KIAA0232: variants seen among roughly 807,000 people sequenced by gnomAD.
KIAA0232 encodes the protein uncharacterized protein KIAA0232.
In KIAA0232, 27 loss-of-function variants were observed where a neutral mutation model predicts 122.0. That is an observed-to-expected ratio of 0.22 (90% CI 0.16 to 0.31). The LOEUF (loss-of-function observed/expected upper bound fraction) is 0.31. KIAA0232 is among the 10% of genes least tolerant of loss of function. The pLI, the probability that KIAA0232 is intolerant of heterozygous loss-of-function variation, is 1.00. For missense variants in KIAA0232, 1,551 were observed against 1,634.2 expected (o/e 0.95, Z 0.88); for synonymous variants, 613 against 587.6 (o/e 1.04, Z -0.63).
chr4:6,877,426 G>A (rs1721816825), intron 9 of KIAA0232, among the ~76,000 whole-genome samples: 1 of 152,204 alleles, frequency 6.6e-6, no homozygotes, highest in Admixed American at 6.5e-5. Flanking sequence ...TTTATTTGGT[G>A]TGAATTGTCA....
rs760073374 is a variant in KIAA0232 at position 6,871,577 on chromosome 4, C to G, written c.3805C>G (p.Pro1269Ala). 1.9e-6 allele frequency: 3 copies of G among 1,577,804 alleles called. No individual in the cohort carries two copies. The highest frequency in any genetic ancestry group is 2.6e-6 in the Non-Finnish European group (3 of 1,149,128). ...PVSSGQLEEF[P>A]VLNTDIQGMN... ...GTATTTGGTTTAATCTAAACAGTTC[C>G]CTGTATTGAACACTGATATACAAGG... Residue 1269 changes from proline (P) to alanine (A), a missense_variant, in exon 8 of 10, where the codon CCT becomes GCT. By Grantham distance (27) the Pro-to-Ala change is conservative. Around this residue, in one of 5 missense-constraint regions of KIAA0232, gnomAD observed 1,108 missense variants for 1,154.8 expected, o/e 0.96. Transcript: ENST00000307659.
intron 9 of KIAA0232, among the ~76,000 whole-genome samples, chr4:6,878,174 A>G (rs976902872): frequency 6.6e-6 from 1 of 152,190 alleles, no homozygotes; most frequent in African/African-American, 2.4e-5. Context: ...CAGGAGTTCA[A>G]GACCAGCCTG....
chr4:6,786,440 C>T (rs983307319), intron 1 of KIAA0232, among the ~76,000 whole-genome samples: 73 of 152,034 alleles, frequency 4.8e-4, no homozygotes, highest in African/African-American at 1.6e-3. Flanking sequence ...GTAGCTGGGA[C>T]CACGGGCATG....
intron 2 of KIAA0232, among the ~76,000 whole-genome samples, chr4:6,817,982 G>A (rs187302700): frequency 6.6e-6 from 1 of 152,196 alleles, no homozygotes; most frequent in African/African-American, 2.4e-5. Flanking sequence ...AACTGATGTA[G>A]ACACTCTAGC....
intron 3 of KIAA0232, among the ~76,000 whole-genome samples, chr4:6,835,117 G>T (rs1456280997): frequency 6.6e-6 from 1 of 152,150 alleles, no homozygotes; most frequent in Non-Finnish European, 1.5e-5. Flanking sequence ...ATCTTGGCAG[G>T]TGTGCTAGAG....
intron 3 of KIAA0232, among the ~76,000 whole-genome samples, chr4:6,830,987 G>T (rs963936723): frequency 6.6e-6 from 1 of 151,912 alleles, no homozygotes; most frequent in Non-Finnish European, 1.5e-5. Flanking sequence ...AAAAAGTCCT[G>T]TCTAACTACC....
intron 2 of KIAA0232, among the ~76,000 whole-genome samples, chr4:6,812,075 G>A (rs1717905870): frequency 6.6e-6 from 1 of 152,124 alleles, no homozygotes; most frequent in South Asian, 2.1e-4. Context: ...TGGGCACATT[G>A]TGTTATTTCA....
At chr4:6,800,603 C>T in intron 1 of KIAA0232, among the ~76,000 whole-genome samples, 1 of 151,776 alleles carries the variant, frequency 6.6e-6, no homozygotes. Flanking sequence ...ATCACTTTAA[C>T]CCAGGAGGTG....
chr4:6,872,213 A>T (rs1721531460), intron 8 of KIAA0232, among the ~76,000 whole-genome samples: 1 of 152,232 alleles, frequency 6.6e-6, no homozygotes, highest in South Asian at 2.1e-4. Flanking sequence ...AATTCTAGTA[A>T]CAGAGTGGAA....
chr4:6,838,607 C>G (rs1470426257), intron 3 of KIAA0232, among the ~76,000 whole-genome samples: 1 of 151,968 alleles, frequency 6.6e-6, no homozygotes, highest in Non-Finnish European at 1.5e-5. Context: ...TGTATATACT[C>G]TGCTATGTGG....
At chr4:6,789,666 C>A (rs1366888016) in intron 1 of KIAA0232, among the ~76,000 whole-genome samples, 1 of 152,098 alleles carries the variant, frequency 6.6e-6, no homozygotes, top group Non-Finnish European at 1.5e-5. Context: ...TGATGGTGGT[C>A]CTAAATTATT....
chr4:6,859,240 C>G (rs1226773153), intron 6 of KIAA0232, among the ~76,000 whole-genome samples: 1 of 151,710 alleles, frequency 6.6e-6, no homozygotes, highest in Admixed American at 6.6e-5. Context: ...CCTAAAGATA[C>G]TTTTATTTTT....
At chr4:6,871,743 A>G (rs1721501365) in intron 8 of KIAA0232, 61 bp downstream of exon 8, 1 of 1,069,196 alleles carries the variant, frequency 9.4e-7, no homozygotes, top group African/African-American at 1.6e-5. Flanking sequence ...AAGAGCAATA[A>G]TTTCTTTTTC....
chr4:6,856,117 C>T (rs1414923298), intron 4 of KIAA0232, among the ~76,000 whole-genome samples: 1 of 150,366 alleles, frequency 6.7e-6, no homozygotes, highest in Non-Finnish European at 1.5e-5. Context: ...GCTACTCAAA[C>T]TGTGTAACCG....
intron 8 of KIAA0232, among the ~76,000 whole-genome samples, chr4:6,876,438 A>C (rs368478551): frequency 2.0e-5 from 3 of 152,080 alleles, no homozygotes; most frequent in African/African-American, 7.2e-5. Context: ...TTCTTTTTTT[A>C]ACTCACCAAA....
chr4:6,848,623 A>T (rs996494425), intron 4 of KIAA0232, among the ~76,000 whole-genome samples: 1 of 152,212 alleles, frequency 6.6e-6, no homozygotes, highest in Non-Finnish European at 1.5e-5. Flanking sequence ...ACATCCACAG[A>T]TTTTGGTATC....
chr4:6,863,692 C>T lies in KIAA0232; in HGVS notation c.3310C>T (p.Pro1104Ser), dbSNP rs1434535281. ...ACAATACAGGGCTATTCGGATCTCT[C>T]CTCGGACTCACTTTCGCCCAATTTC... is the stretch of plus-strand genomic sequence containing the variant. Reference protein sequence around the residue: ...RTQYRAIRISPRTHFRPISAS... With the variant: ...RTQYRAIRISSRTHFRPISAS... The change falls in exon 7 of 10, where the codon CCT (proline) becomes TCT (serine). Residue 1104 changes from proline to serine, a missense_variant. Physicochemically the swap from Pro to Ser is moderately conservative, Grantham distance 74. Transcript: ENST00000307659. 1 of 1,614,066 alleles carries T rather than the reference C, an allele frequency of 6.2e-7. No individual in the cohort carries two copies. The highest frequency in any genetic ancestry group is 2.2e-5 in the East Asian group (1 of 44,892).
At chr4:6,822,651 G>A (rs1313402357) in intron 2 of KIAA0232, among the ~76,000 whole-genome samples, 1 of 151,910 alleles carries the variant, frequency 6.6e-6, no homozygotes, top group African/African-American at 2.4e-5. Context: ...GCCATTGTTA[G>A]ATTACTTTCA....
chr4:6,797,771 C>CAA (rs963052887), intron 1 of KIAA0232, among the ~76,000 whole-genome samples: 4 of 47,348 alleles, frequency 8.4e-5, no homozygotes, highest in Admixed American at 4.8e-4. Flanking sequence ...CCCTGCCTCT[C>CAA]AAAAAAAAAA....
Sources: gnomAD v4.1 joint callset for allele counts (sites outside exome capture counted in the v4.1 genomes callset) on GRCh38, gnomAD v4.1.1 for gene constraint, gnomAD v4.1.1 regional missense constraint, MANE v1.5 for transcripts, NCBI Gene and HGNC (gene_info 2026-07-23, HGNC 2026-07-21) for gene names.